The following SPAG16 variants were observed in gnomAD, a reference collection of about 807,000 sequenced individuals.
SPAG16 encodes the protein sperm-associated antigen 16 protein.
SPAG16 carries 86 observed loss-of-function variants against 80.4 expected under a neutral mutation model. That is an observed-to-expected ratio of 1.07 (90% CI 0.90 to 1.28). The LOEUF is 1.28. Among genes scored for constraint, SPAG16 ranks in the 50% most tolerant of loss-of-function variants. The pLI, the probability that SPAG16 is intolerant of heterozygous loss-of-function variation, is 0.00. For missense variants in SPAG16, 870 were observed against 765.3 expected, an observed-to-expected ratio of 1.14 and a Z score of -1.61; for synonymous variants, 294 against 265.9, an observed-to-expected ratio of 1.11 and a Z score of -1.03.
chr2:213,753,451 G>T (rs1378687077), intron 10 of SPAG16, among the ~76,000 whole-genome samples: 20 of 152,112 alleles, frequency 1.3e-4, no homozygotes, highest in Non-Finnish European at 2.9e-4. Flanking sequence ...TATTTCTCAG[G>T]CCAGGCCTTT....
At chr2:214,024,788 A>T (rs1441973987) in intron 13 of SPAG16, among the ~76,000 whole-genome samples, 2 of 151,570 alleles carry the variant, frequency 1.3e-5, no homozygotes, top group African/African-American at 4.8e-5. Context: ...TAGAAAAACT[A>T]TGTTTTTTTG....
intron 10 of SPAG16, among the ~76,000 whole-genome samples, chr2:213,588,530 C>T (rs1250508662): frequency 1.9e-4 from 29 of 150,892 alleles, no homozygotes; most frequent in Admixed American, 6.6e-4. Flanking sequence ...TGGCCGGGCG[C>T]GGTGGCTCAC....
At chr2:214,133,843 GTGA>G (rs2054909496) in intron 14 of SPAG16, among the ~76,000 whole-genome samples, 1 of 152,130 alleles carries the variant, frequency 6.6e-6, no homozygotes, top group Non-Finnish European at 1.5e-5. Context: ...AAAAGCTCTG[GTGA>G]TTGCCTGGAG....
At chr2:213,933,234 A>AT (rs2078847227) in intron 12 of SPAG16, among the ~76,000 whole-genome samples, 1 of 152,206 alleles carries the variant, frequency 6.6e-6, no homozygotes, top group Non-Finnish European at 1.5e-5. Flanking sequence ...ATTTAGAGGC[A>AT]TTTGTATATA....
intron 7 of SPAG16, among the ~76,000 whole-genome samples, chr2:213,351,848 A>C (rs2125051473): frequency 6.6e-6 from 1 of 152,200 alleles, no homozygotes. Context: ...AATTTTAAGT[A>C]ATATTGGATA....
chr2:213,869,920 G>A (rs1207859746), intron 11 of SPAG16, among the ~76,000 whole-genome samples: 4 of 152,148 alleles, frequency 2.6e-5, no homozygotes. Context: ...AGACATATCT[G>A]TATTGGGGAA....
intron 15 of SPAG16, among the ~76,000 whole-genome samples, chr2:214,220,502 T>G (rs1226867838): frequency 6.6e-6 from 1 of 152,160 alleles, no homozygotes; most frequent in Non-Finnish European, 1.5e-5. Flanking sequence ...AAGTCACTGC[T>G]ACTCCCCAAC....
chr2:213,454,085 A>G (rs1342711083), intron 9 of SPAG16, among the ~76,000 whole-genome samples: 1 of 152,108 alleles, frequency 6.6e-6, no homozygotes, highest in Non-Finnish European at 1.5e-5. Flanking sequence ...GAAATCCCTA[A>G]TATACTTGTT....
rs182892448 is a variant in SPAG16 at position 214,214,578 on chromosome 2, A to G, written c.1720+65312A>G. On this transcript the variant is annotated intron_variant, in intron 15 of 15. Coordinates refer to ENST00000331683, the MANE Select transcript of SPAG16 (RefSeq NM_024532.5). ...TTCACCTATTCCAATGCCTATTCTT[A>G]TAAATATCAGTTGAGTTTCTTACCC... is the stretch of plus-strand genomic sequence containing the variant. 1.4e-3 allele frequency among the ~76,000 whole-genome samples: 217 copies of G among 152,214 alleles called. 4 individuals are homozygous for G. The highest frequency in any genetic ancestry group is 4.6e-3 in the African/African-American group (190 of 41,520).
chr2:213,472,253 G>C (rs2073119746), intron 9 of SPAG16, among the ~76,000 whole-genome samples: 1 of 152,122 alleles, frequency 6.6e-6, no homozygotes, highest in Non-Finnish European at 1.5e-5. Context: ...GACAGGAATG[G>C]AGAAAAAGGC....
chr2:213,881,822 A>G (rs1378298863), intron 11 of SPAG16, among the ~76,000 whole-genome samples: 1 of 152,204 alleles, frequency 6.6e-6, no homozygotes, highest in Non-Finnish European at 1.5e-5. Context: ...AAGCCTAACT[A>G]TATCAGATGC....
intron 9 of SPAG16, among the ~76,000 whole-genome samples, chr2:213,484,610 T>G (rs1270245339): frequency 6.6e-6 from 1 of 152,198 alleles, no homozygotes; most frequent in Non-Finnish European, 1.5e-5. Context: ...AAAATCTCTT[T>G]TAATACGGTG....
intron 11 of SPAG16, among the ~76,000 whole-genome samples, chr2:213,877,717 AT>A (rs1240719847): frequency 6.6e-6 from 1 of 152,150 alleles, no homozygotes; most frequent in African/African-American, 2.4e-5. Context: ...CCAACACCTT[AT>A]GGCACTGAAA....
intron 10 of SPAG16, among the ~76,000 whole-genome samples, chr2:213,855,677 C>T (rs1246344677): frequency 6.6e-6 from 1 of 152,136 alleles, no homozygotes; most frequent in Non-Finnish European, 1.5e-5. Context: ...GCAGAAGGCA[C>T]CCCTTCACAG....
intron 13 of SPAG16, among the ~76,000 whole-genome samples, chr2:214,093,058 C>G (rs7596582): frequency 6.6e-6 from 1 of 152,074 alleles, no homozygotes; most frequent in South Asian, 2.1e-4. Context: ...AGCCCTTCAT[C>G]TAAGTCTTTT....
In SPAG16 at chr2:213,284,480, A is replaced by C. The variant is rs532383568; in HGVS notation, c.-4A>C. The C allele has an allele frequency of 2.5e-5, 39 of 1,563,888 alleles. No individual in the cohort carries two copies. The East Asian group carries it at 6.4e-4, about 26-fold the overall frequency. On this transcript the variant is annotated 5_prime_UTR_variant, in exon 1 of 16. Coordinates refer to ENST00000331683, the MANE Select transcript of SPAG16 (RefSeq NM_024532.5). ...GCTGGGGGTGGGGGCCCGAAGCGCCAGAGATGGCTGCTCAGCGAGGGATGC... is the reference window on the plus strand; with the variant it reads ...GCTGGGGGTGGGGGCCCGAAGCGCCCGAGATGGCTGCTCAGCGAGGGATGC...
At chr2:213,683,551 C>G (rs1008645116) in intron 10 of SPAG16, among the ~76,000 whole-genome samples, 1 of 134,908 alleles carries the variant, frequency 7.4e-6, no homozygotes, top group African/African-American at 2.7e-5. Context: ...ACTCCATCTC[C>G]AAAAAAAAAA....
At chr2:213,532,806 C>G (rs2076117353) in intron 10 of SPAG16, among the ~76,000 whole-genome samples, 1 of 152,120 alleles carries the variant, frequency 6.6e-6, no homozygotes, top group Non-Finnish European at 1.5e-5. Context: ...TTATAATAAG[C>G]TATAAGTTTA....
chr2:214,301,298 CAAA>C (rs548924541), intron 15 of SPAG16, among the ~76,000 whole-genome samples: 1 of 137,150 alleles, frequency 7.3e-6, no homozygotes. Flanking sequence ...ATCTAGGCAT[CAAA>C]AAAAAAAAAC....
Sources: allele counts gnomAD v4.1 joint callset (sites outside exome capture counted in the v4.1 genomes callset), GRCh38; gene constraint gnomAD v4.1.1; transcripts MANE v1.5; gene names NCBI Gene and HGNC (gene_info 2026-07-23, HGNC 2026-07-21).